The following TUBAL3 variants were observed in gnomAD, a reference collection of about 807,000 sequenced individuals.
TUBAL3 encodes the protein tubulin alpha like 3, also known as tubulin alpha chain-like 3.
In TUBAL3, 16 loss-of-function variants were observed where a neutral mutation model predicts 15.5. The ratio of observed to expected loss-of-function variants is 1.04; its 90% CI spans 0.70 to 1.57. TUBAL3 has a LOEUF of 1.57. Ranked by LOEUF, TUBAL3 falls within the 40% of genes most tolerant of loss-of-function variation. The probability of loss-of-function intolerance (pLI) is 0.00; values close to 1 mark genes in which losing one functional copy is unlikely to be tolerated. For missense variants in TUBAL3, 609 were observed against 576.2 expected (o/e 1.06, Z -0.58); for synonymous variants, 238 against 224.3 (o/e 1.06, Z -0.55).
chr10:5,401,251 G>A (rs1271753304), intron 1 of TUBAL3, among the ~76,000 whole-genome samples, 164 bp from the exon 2 acceptor site: 1 of 152,142 alleles, frequency 6.6e-6, no homozygotes, highest in Non-Finnish European at 1.5e-5. Flanking sequence ...CCAAGACCCA[G>A]GGTACAGCTA....
chr10:5,396,955 G>A lies in TUBAL3; in HGVS notation c.248-1480C>T, dbSNP rs915415904. Among the ~76,000 whole-genome samples, 2 of 152,162 alleles carry A rather than the reference G, an allele frequency of 1.3e-5. No homozygotes were observed. Among genetic ancestry groups the A allele is most frequent in the Non-Finnish European group, 2.9e-5 (2 of 68,030 alleles). On this transcript the variant is annotated intron_variant, in intron 2 of 3. Transcript: ENST00000380419. The surrounding 1 kb of genome is among the most constrained non-coding windows in gnomAD (Gnocchi z 5.1). The stretch of plus-strand genomic sequence containing the variant: ...GCTAGAGAGAAGTTACTTAGTCAAT[G>A]ATTTTAGCTCATAAATAAGGATTAT...
chr10:5,401,593 C>A (rs1469612667), intron 1 of TUBAL3, among the ~76,000 whole-genome samples: 4 of 151,910 alleles, frequency 2.6e-5, no homozygotes, highest in Non-Finnish European at 4.4e-5. Context: ...TTATCTTTAC[C>A]ATTCATATGC....
chr10:5,401,759 C>A (rs1399572369), intron 1 of TUBAL3, among the ~76,000 whole-genome samples: 2 of 151,026 alleles, frequency 1.3e-5, no homozygotes, highest in Non-Finnish European at 3.0e-5. Flanking sequence ...TAAAAAAAAA[C>A]ACTTAAGACA....
At chr10:5,402,978 C>T (rs1258526205) in intron 1 of TUBAL3, among the ~76,000 whole-genome samples, 1 of 152,192 alleles carries the variant, frequency 6.6e-6, no homozygotes, top group Non-Finnish European at 1.5e-5. Context: ...GTCGGCCACA[C>T]CCCTGCAATC....
Position 5,404,795 on chromosome 10 carries a change from T to A in TUBAL3, c.-3A>T. ...ATAGGCGTGTAGTCACTTACCATGC[T>A]GATGAGAACGTGCCCTTCCTGCCCT... is the stretch of plus-strand genomic sequence containing the variant. On this transcript the variant is annotated 5_prime_UTR_variant, in exon 1 of 4. Transcript: ENST00000380419. The A allele has an allele frequency of 6.2e-7, 1 of 1,613,740 alleles. No individual in the cohort carries two copies. The highest frequency in any genetic ancestry group is 1.1e-5 in the South Asian group (1 of 91,022).
Position 5,393,731 on chromosome 10 carries a change from G to A in TUBAL3, c.1127C>T (p.Ala376Val), listed in dbSNP as rs782533397. 5.0e-6 allele frequency: 8 copies of A among 1,614,168 alleles called. No individual in the cohort carries two copies. Among genetic ancestry groups the A allele is most frequent in the Non-Finnish European group, 6.8e-6 (8 of 1,180,030 alleles). Residue 376 changes from alanine to valine, a missense_variant, in exon 4 of 4, where the codon GCC becomes GTC. Ala to Val is a moderately conservative substitution (Grantham distance 64). Coordinates refer to ENST00000380419, the MANE Select transcript of TUBAL3 (RefSeq NM_024803.3). ...PPTVMPGGDL[A>V]KVHRSICMLS... ...CATGCAGATGGACCGGTGGACTTTGGCCAGGTCCCCACCCGGCATCACCGT... is the reference window on the plus strand; with the variant it reads ...CATGCAGATGGACCGGTGGACTTTGACCAGGTCCCCACCCGGCATCACCGT...
intron 1 of TUBAL3, among the ~76,000 whole-genome samples, chr10:5,403,232 C>T (rs1831882414): frequency 6.6e-6 from 1 of 152,206 alleles, no homozygotes; most frequent in Non-Finnish European, 1.5e-5. Flanking sequence ...TCGAATACCC[C>T]TTATCAGGCT....
chr10:5,393,534 C>T lies in TUBAL3; in HGVS notation c.1324G>A (p.Val442Met), dbSNP rs1443102992. The change falls in exon 4 of 4, where the codon GTG becomes ATG. Residue 442 changes from valine to methionine, a missense_variant. By Grantham distance (21) the Val-to-Met change is conservative (BLOSUM62 1). Coordinates refer to ENST00000380419, the MANE Select transcript of TUBAL3 (RefSeq NM_024803.3). ...TACATGCCTCAGAAACTTTGCGCCACTTCCTCATAGTCCCTCTCCAGGGCT... is the reference window on the plus strand; with the variant it reads ...TACATGCCTCAGAAACTTTGCGCCATTTCCTCATAGTCCCTCTCCAGGGCT... ...LAALERDYEE[V>M]AQSF 1.9e-6 allele frequency: 3 copies of T among 1,605,710 alleles called. No homozygotes were observed. Among genetic ancestry groups the T allele is most frequent in the African/African-American group, 2.7e-5 (2 of 74,606 alleles).
At chr10:5,404,525 T>G (rs1554814897) in intron 1 of TUBAL3, among the ~76,000 whole-genome samples, 1 of 152,226 alleles carries the variant, frequency 6.6e-6, no homozygotes, top group African/African-American at 2.4e-5. Context: ...GAAAGGTTTT[T>G]GCTTCAGTGC....
rs147525113 is a variant in TUBAL3 at position 5,393,191 on chromosome 10, G to A, written c.*326C>T. The A allele has an allele frequency of 3.2e-3, 769 of 237,284 alleles. 4 individuals carry two copies. The highest frequency in any genetic ancestry group is 5.0e-3 in the Non-Finnish European group (622 of 124,112). The allele number at this position is 237,284 out of a possible 1,614,324, so 14.7% of individuals were successfully genotyped here. A position where few individuals can be genotyped will look rare whatever the true frequency, so the allele number is the denominator to read the frequency against. ...TCAACATGTGCTGTTTTCTACTTCC[G>A]GTACCAGAAAGGAAAAGCATAAACT... On this transcript the variant is annotated 3_prime_UTR_variant, in exon 4 of 4. Coordinates refer to ENST00000380419, the MANE Select transcript of TUBAL3 (RefSeq NM_024803.3).
chr10:5,395,559 C>G lies in TUBAL3; in HGVS notation c.248-84G>C, dbSNP rs1013848233. ...GCTGCTAGTCCTCCTGGAGCCTCCCCGTACTTGACTCCCATGCTTTCTCTC... is the reference window on the plus strand; with the variant it reads ...GCTGCTAGTCCTCCTGGAGCCTCCCGGTACTTGACTCCCATGCTTTCTCTC... On this transcript the variant is annotated intron_variant, in intron 2 of 3. Coordinates refer to ENST00000380419, the MANE Select transcript of TUBAL3 (RefSeq NM_024803.3). This position sits in a 1 kb window ranked among gnomAD's most constrained non-coding sequence, Gnocchi z 4.6. 2.3e-6 allele frequency: 3 copies of G among 1,303,700 alleles called. No homozygotes were observed. Among genetic ancestry groups the G allele is most frequent in the Non-Finnish European group, 3.0e-6 (3 of 997,012 alleles). 80.8% of individuals were successfully genotyped at this position (1,303,700 alleles called of 1,614,324 possible). A position where few individuals can be genotyped will look rare whatever the true frequency, so the allele number is the denominator to read the frequency against.
In TUBAL3 at chr10:5,393,286, T is replaced by TGTC. The variant is rs1160851192; in HGVS notation, c.*230_*231insGAC. The TGTC allele has an allele frequency of 6.5e-6, 3 of 462,392 alleles. No homozygotes were observed. The highest frequency in any genetic ancestry group is 5.9e-5 in the African/African-American group (3 of 51,166). The allele number at this position is 462,392 out of a possible 1,614,324, so 28.6% of individuals were successfully genotyped here. On this transcript the variant is annotated 3_prime_UTR_variant, in exon 4 of 4. Transcript: ENST00000380419. ...GAAGTGACTCAGCAGTTCAAAGGAC[T>TGTC]CTAAGCTTCCAAAGGCTCCCAGGTA...
In TUBAL3 at chr10:5,394,127, G is replaced by A. The variant is rs1831722792; in HGVS notation, c.731C>T (p.Ser244Phe). ...INRLVVQVVS[S>F]ITASLRFEGP... ...TTCAAACCGGAGGGAGGCAGTGATG[G>A]AAGATACCACCTGAACCACCAATCT... The change falls in exon 4 of 4, where the codon TCC becomes TTC. Residue 244 changes from serine to phenylalanine, a missense_variant. Ser to Phe is a radical substitution (Grantham distance 155). Coordinates refer to ENST00000380419, the MANE Select transcript of TUBAL3 (RefSeq NM_024803.3). This position sits in a 1 kb window ranked among gnomAD's most constrained non-coding sequence, Gnocchi z 4.3. 1 of 1,614,218 alleles carries A rather than the reference G, an allele frequency of 6.2e-7. No homozygotes were observed. The highest frequency in any genetic ancestry group is 1.3e-5 in the African/African-American group (1 of 75,052).
chr10:5,395,607 AT>A lies in TUBAL3; in HGVS notation c.248-133del. ...CTCAATATTGTGGTCCAGGAATGGA[AT>A]TTAGATAGTGCTGAATTAGCCCGTC... On this transcript the variant is annotated intron_variant, in intron 2 of 3. Transcript: ENST00000380419. The surrounding 1 kb of genome is among the most constrained non-coding windows in gnomAD (Gnocchi z 4.6). 9.8e-7 allele frequency: 1 copy of A among 1,021,098 alleles called. No homozygotes were observed. The highest frequency in any genetic ancestry group is 1.3e-6 in the Non-Finnish European group (1 of 748,966). The allele number at this position is 1,021,098 out of a possible 1,614,324, so 63.3% of individuals were successfully genotyped here. A position where few individuals can be genotyped will look rare whatever the true frequency, so the allele number is the denominator to read the frequency against.
intron 2 of TUBAL3, among the ~76,000 whole-genome samples, chr10:5,398,153 G>T (rs150691235): frequency 1.1e-3 from 168 of 152,252 alleles, no homozygotes; most frequent in African/African-American, 3.8e-3. Context: ...GGGTGCAGTG[G>T]CTCTTGCCTA....
At chr10:5,404,723 G>A in intron 1 of TUBAL3, 67 bp downstream of exon 1, 2 of 1,525,840 alleles carry the variant, frequency 1.3e-6, no homozygotes, top group Middle Eastern at 1.7e-4. Context: ...ATTGTTTGCT[G>A]TGGGAAAAGG....
rs1831716804 is a variant in TUBAL3, at chr10:5,393,859, C to T, written c.999G>A (p.Lys333=). The T allele has an allele frequency of 1.9e-6, 3 of 1,614,188 alleles. No individual in the cohort carries two copies. Among genetic ancestry groups the T allele is most frequent in the African/African-American group, 1.3e-5 (1 of 75,036 alleles). The change falls in exon 4 of 4, where the codon AAG becomes AAA. Residue 333 remains lysine, a synonymous_variant. Coordinates refer to ENST00000380419, the MANE Select transcript of TUBAL3 (RefSeq NM_024803.3). ...TGGCTGCGATTGCTGCATTCACTTCCTTGGGGACCACATCCCCTCTATAGA... is the reference window on the plus strand; with the variant it reads ...TGGCTGCGATTGCTGCATTCACTTCTTTGGGGACCACATCCCCTCTATAGA... ...CLLYRGDVVP[K]EVNAAIAATK...
Position 5,401,064 on chromosome 10 carries a change from G to A in TUBAL3, c.27C>T (p.Ile9=), listed in dbSNP as rs556747045. 16 of 1,614,164 alleles carry A rather than the reference G, an allele frequency of 9.9e-6. No individual in the cohort carries two copies. Among genetic ancestry groups the A allele is most frequent in the East Asian group, 2.2e-5 (1 of 44,888 alleles). ...CCCCAATCTGGATGCCAGCTTGACC[G>A]ATGTGGATGGAAAGGCACTCCCTCT... MRECLSIH[I]GQAGIQIGDA... is the part of the protein sequence containing the mutation. Residue 9 remains isoleucine, a synonymous_variant, in exon 2 of 4, where the codon ATC becomes ATT. Transcript: ENST00000380419.
chr10:5,400,987 A>G lies in TUBAL3; in HGVS notation c.104T>C (p.Val35Ala). 6.2e-7 allele frequency: 1 copy of G among 1,614,234 alleles called. No individual in the cohort carries two copies. The highest frequency in any genetic ancestry group is 1.3e-5 in the African/African-American group (1 of 75,064). ...CLEHGIQPNG[V>A]VLDTQQDQLE... ...CTGATCCTGTTGAGTGTCAAGAACA[A>G]CGCCATTTGGCTGGATTCCATGTTC... is the stretch of plus-strand genomic sequence containing the variant. The change falls in exon 2 of 4, where the codon GTT becomes GCT. Residue 35 changes from valine to alanine, a missense_variant. By Grantham distance (64) the Val-to-Ala change is moderately conservative. Coordinates refer to ENST00000380419, the MANE Select transcript of TUBAL3 (RefSeq NM_024803.3).
Sources: gnomAD v4.1 joint callset for allele counts (sites outside exome capture counted in the v4.1 genomes callset) on GRCh38, gnomAD v4.1.1 for gene constraint, Gnocchi (gnomAD v3.1) non-coding constraint, MANE v1.5 for transcripts, NCBI Gene and HGNC (gene_info 2026-07-23, HGNC 2026-07-21) for gene names.